The following CDC42BPA variants were observed in gnomAD, a reference collection of about 807,000 sequenced individuals.
CDC42BPA encodes the protein serine/threonine-protein kinase MRCK alpha.
CDC42BPA carries 80 observed loss-of-function variants against 223.5 expected under a neutral mutation model. That is an observed-to-expected ratio of 0.36 (90% confidence interval 0.30 to 0.43). The LOEUF (loss-of-function observed/expected upper bound fraction) is 0.43. Ranked by LOEUF, CDC42BPA falls within the 20% of genes least tolerant of loss-of-function variation. The pLI is 1.00. For missense variants in CDC42BPA, 1,743 were observed against 2,099.9 expected (o/e 0.83, Z 3.32); for synonymous variants, 694 against 718.6 (o/e 0.97, Z 0.55).
chr1:227,124,864 A>G (rs1267118621), intron 11 of CDC42BPA, among the ~76,000 whole-genome samples: 1 of 152,058 alleles, frequency 6.6e-6, no homozygotes, highest in East Asian at 1.9e-4. Context: ...GAAGGAATAG[A>G]TATATTTCCC....
At chr1:227,119,735 T>C in intron 12 of CDC42BPA, 69 bp downstream of exon 12, 1 of 1,052,684 alleles carries the variant, frequency 9.5e-7, no homozygotes, top group Non-Finnish European at 1.3e-6. Context: ...TTATGAATGC[T>C]TTCAGTATTC....
At chr1:227,060,039 T>G (rs906810839) in intron 21 of CDC42BPA, among the ~76,000 whole-genome samples, 1 of 143,492 alleles carries the variant, frequency 7.0e-6, no homozygotes. Context: ...TGTTTTTTTT[T>G]TTTTTTTTTG....
chr1:227,151,285 A>G (rs973761219), intron 6 of CDC42BPA, among the ~76,000 whole-genome samples: 1 of 152,344 alleles, frequency 6.6e-6, no homozygotes, highest in East Asian at 1.9e-4. Context: ...TATTTCATTA[A>G]CATAATGTCC....
At chr1:227,303,458 T>C (rs1337320354) in intron 1 of CDC42BPA, among the ~76,000 whole-genome samples, 1 of 152,206 alleles carries the variant, frequency 6.6e-6, no homozygotes, top group Non-Finnish European at 1.5e-5. Flanking sequence ...AAAACCTCTG[T>C]TGTACTAAGA....
intron 2 of CDC42BPA, among the ~76,000 whole-genome samples, chr1:227,246,764 C>G (rs890261464): frequency 6.6e-6 from 1 of 152,174 alleles, no homozygotes. Context: ...AAATACCTAA[C>G]TCTTCAATGT....
At chr1:227,275,478 G>C (rs187917078) in intron 1 of CDC42BPA, among the ~76,000 whole-genome samples, 1 of 152,056 alleles carries the variant, frequency 6.6e-6, no homozygotes, top group East Asian at 1.9e-4. Context: ...ATTAAATAGA[G>C]AAAATCAACA....
rs147869916 is a variant in CDC42BPA at position 227,119,951 on chromosome 1, A to G, written c.1514-14T>C. The G allele has an allele frequency of 4.3e-3, 6,697 of 1,564,882 alleles. 26 individuals are homozygous for G. The highest frequency in any genetic ancestry group is 4.9e-3 in the Non-Finnish European group (5,664 of 1,161,024). On this transcript the variant is annotated splice_polypyrimidine_tract_variant and intron_variant, in intron 11 of 36. Coordinates refer to ENST00000366766, the MANE Select transcript of CDC42BPA (RefSeq NM_001394014.1). The stretch of plus-strand genomic sequence containing the variant: ...AATGACTTGATTCTAAAAACAAAAG[A>G]CAATGTTTCTTTTACTATTTGTATA...
At chr1:227,170,169 A>T (rs572873398) in intron 5 of CDC42BPA, among the ~76,000 whole-genome samples, 115 of 152,230 alleles carry the variant, frequency 7.6e-4, no homozygotes, top group African/African-American at 2.7e-3. Context: ...CTAGGTCATT[A>T]AAATGTCATG....
At chr1:227,109,919 A>G (rs1318937572) in intron 14 of CDC42BPA, among the ~76,000 whole-genome samples, 2 of 151,956 alleles carry the variant, frequency 1.3e-5, no homozygotes, top group East Asian at 3.9e-4. Context: ...TACAATACCT[A>G]ATGTGATATA....
chr1:227,288,740 A>G (rs904069308), intron 1 of CDC42BPA, among the ~76,000 whole-genome samples: 1 of 152,158 alleles, frequency 6.6e-6, no homozygotes, highest in African/African-American at 2.4e-5. Flanking sequence ...CATGCCTGCA[A>G]TCCCAACACT....
chr1:227,088,017 A>T (rs1188007881), intron 16 of CDC42BPA, among the ~76,000 whole-genome samples: 4 of 152,172 alleles, frequency 2.6e-5, no homozygotes, highest in Non-Finnish European at 4.4e-5. Flanking sequence ...GTCATATTAC[A>T]ACAGTGACAA....
rs1203149025 is a variant in CDC42BPA, at chr1:227,227,611, GAA to G, written c.271-14394_271-14393del. ...TGGCATCAAAATTAAGTGCATCTAA[GAA>G]TACTAATGGATATCCAGGCATCATA... is the stretch of plus-strand genomic sequence containing the variant. On this transcript the variant is annotated intron_variant, in intron 2 of 36. Coordinates refer to ENST00000366766, the MANE Select transcript of CDC42BPA (RefSeq NM_001394014.1). Among the ~76,000 whole-genome samples the G allele has an allele frequency of 6.6e-5, 10 of 152,266 alleles. No homozygotes were observed. The South Asian group carries it at 2.1e-3, about 32-fold the overall frequency.
intron 3 of CDC42BPA, among the ~76,000 whole-genome samples, chr1:227,204,938 T>TA (rs138376118): frequency 0.12 from 17,516 of 149,330 alleles, 1,212 homozygotes; most frequent in South Asian, 0.21. Flanking sequence ...CCCATAAACT[T>TA]AAAAAAAAAA....
intron 33 of CDC42BPA, 45 bp downstream of exon 33, chr1:227,016,882 G>C: frequency 1.3e-6 from 2 of 1,554,530 alleles, no homozygotes; most frequent in Non-Finnish European, 1.7e-6. Context: ...AGTAGTCCTT[G>C]ATGGTACAAG....
At chr1:227,131,148 A>G (rs1657023274) in intron 10 of CDC42BPA, among the ~76,000 whole-genome samples, 1 of 152,022 alleles carries the variant, frequency 6.6e-6, no homozygotes, top group Admixed American at 6.6e-5. Flanking sequence ...TTTAACATCA[A>G]AATAGATAAT....
At position 227,145,674 on chromosome 1, in the gene CDC42BPA, T is replaced by C. The variant is rs762144397; in HGVS notation, c.958A>G (p.Arg320Gly). 1.9e-6 allele frequency: 3 copies of C among 1,613,712 alleles called. No homozygotes were observed. The highest frequency in any genetic ancestry group is 8.5e-7 in the Non-Finnish European group (1 of 1,179,724). The change falls in exon 8 of 37, where the codon AGG becomes GGG. Residue 320 changes from arginine (R) to glycine (G), a missense_variant. Physicochemically the swap from Arg to Gly is moderately radical, Grantham distance 125 (BLOSUM62 -2). This residue lies in a region of CDC42BPA where 321 missense variants were observed against 488.7 expected (regional missense o/e 0.66). Coordinates refer to ENST00000366766, the MANE Select transcript of CDC42BPA (RefSeq NM_001394014.1). Reference sequence around the variant, plus strand: ...CGATGTTCTCTGCTACAAATGAGCCTTCGAATAAGATCCTTAGCATTTTCA... The same window carrying C: ...CGATGTTCTCTGCTACAAATGAGCCCTCGAATAAGATCCTTAGCATTTTCA... ...VSENAKDLIR[R>G]LICSREHRLG... is the part of the protein sequence containing the mutation.
chr1:227,035,655 A>G, intron 24 of CDC42BPA, 48 bp from the exon 25 acceptor site: 1 of 1,491,404 alleles, frequency 6.7e-7, no homozygotes, highest in East Asian at 2.4e-5. Context: ...ATTTTAACAA[A>G]AAGAAAATTC....
chr1:227,274,144 A>C (rs941432796), intron 1 of CDC42BPA, among the ~76,000 whole-genome samples: 4 of 152,088 alleles, frequency 2.6e-5, no homozygotes, highest in Admixed American at 2.6e-4. Flanking sequence ...GGCTGATAAA[A>C]GTTAACAATA....
intron 23 of CDC42BPA, among the ~76,000 whole-genome samples, chr1:227,046,840 C>T (rs1222386850): frequency 1.3e-5 from 2 of 152,158 alleles, no homozygotes; most frequent in South Asian, 2.1e-4. Flanking sequence ...AATATTAAAT[C>T]CTTAAAAATC....
Sources: allele counts gnomAD v4.1 joint callset (sites outside exome capture counted in the v4.1 genomes callset), GRCh38; gene constraint gnomAD v4.1.1; regional missense constraint gnomAD v4.1.1; transcripts MANE v1.5; gene names NCBI Gene and HGNC (gene_info 2026-07-23, HGNC 2026-07-21).